The following DVL2 variants were observed in gnomAD, a reference collection of about 807,000 sequenced individuals.
The protein encoded by DVL2 is segment polarity protein dishevelled homolog DVL-2.
DVL2 carries 38 observed loss-of-function variants against 69.8 expected under a neutral mutation model. The observed-to-expected ratio is 0.54, with a 90% confidence interval of 0.42 to 0.71. The LOEUF is 0.71. Ranked by LOEUF, DVL2 falls within the 30% of genes least tolerant of loss-of-function variation. The pLI, the probability that DVL2 is intolerant of heterozygous loss-of-function variation, is 0.00. For synonymous variants in DVL2, 428 were observed against 392.4 expected (o/e 1.09, Z -1.07); for missense variants, 931 against 1,008.1 (o/e 0.92, Z 1.04).
rs2071523204 is a variant in DVL2, at chr17:7,230,293, T to A, written c.402A>T (p.Pro134=). ...GAATCTGAAGGACTCACTGGAAGGA[T>A]GGAGGCCTTGAGTCCCCAATGCCGC... is the stretch of plus-strand genomic sequence containing the variant. ...RTSGIGDSRP[P]SFHPNVSSSH... The change falls in exon 3 of 15, where the codon CCA becomes CCT. Residue 134 remains proline, a synonymous_variant. Coordinates refer to ENST00000005340, the MANE Select transcript of DVL2 (RefSeq NM_004422.3). The A allele has an allele frequency of 1.2e-6, 2 of 1,613,920 alleles. No homozygotes were observed. The highest frequency in any genetic ancestry group is 2.7e-5 in the African/African-American group (2 of 74,878).
At chr17:7,230,462 A>G in intron 2 of DVL2, 32 bp from the exon 3 acceptor site, 1 of 1,610,002 alleles carries the variant, frequency 6.2e-7, no homozygotes, top group Non-Finnish European at 8.5e-7. Context: ...ACAGTGGCTC[A>G]CTTGGGAGTC....
rs1465498109 is a variant in DVL2, at chr17:7,229,416, G to A, written c.779C>T (p.Thr260Ile). Reference protein sequence around the residue: ...TSSFSSVTDSTMSLNIITVTL... With the variant: ...TSSFSSVTDSIMSLNIITVTL... Reference sequence around the variant, plus strand: ...GACTGTGATGATATTGAGAGACATTGTGGAATCTGTGACGCTGCTGAAGGA... The same window carrying A: ...GACTGTGATGATATTGAGAGACATTATGGAATCTGTGACGCTGCTGAAGGA... The change falls in exon 7 of 15, where the codon ACA (threonine) becomes ATA (isoleucine). Residue 260 changes from threonine (T) to isoleucine (I), a missense_variant. Around this residue, in one of 3 missense-constraint regions of DVL2, gnomAD observed 555 missense variants for 588.8 expected, o/e 0.94. Transcript: ENST00000005340. This position sits in a 1 kb window ranked among gnomAD's most constrained non-coding sequence, Gnocchi z 4.4. 1 of 1,613,914 alleles carries A rather than the reference G, an allele frequency of 6.2e-7. No individual in the cohort carries two copies. Among genetic ancestry groups the A allele is most frequent in the Non-Finnish European group, 8.5e-7 (1 of 1,180,046 alleles).
intron 1 of DVL2, among the ~76,000 whole-genome samples, chr17:7,233,006 C>A (rs1274518287): frequency 6.8e-6 from 1 of 146,280 alleles, no homozygotes; most frequent in Admixed American, 7.0e-5. Flanking sequence ...AGGAGAATGG[C>A]GTGGACCCGG....
intron 13 of DVL2, 176 bp downstream of exon 13, chr17:7,226,895 GGCACATGGCTTGTCCAGCA>G (rs2071462813): frequency 1.5e-6 from 1 of 661,926 alleles, no homozygotes; most frequent in East Asian, 2.8e-5. Context: ...TCCTGCACCT[GGCACATGGCTTGTCCAGCA>G]GCACATGGGT....
intron 1 of DVL2, among the ~76,000 whole-genome samples, chr17:7,232,732 G>A (rs2071561379): frequency 6.6e-6 from 1 of 152,214 alleles, no homozygotes; most frequent in African/African-American, 2.4e-5. Context: ...TCTAGCTAGA[G>A]TCCAGTTTGT....
intron 1 of DVL2, 52 bp downstream of exon 1, chr17:7,234,017 C>G: frequency 6.3e-7 from 1 of 1,594,242 alleles, no homozygotes; most frequent in Non-Finnish European, 8.6e-7. Flanking sequence ...TCCATGTCGC[C>G]CAATCCACTC....
intron 1 of DVL2, among the ~76,000 whole-genome samples, chr17:7,233,104 A>AAAAAAAAAAAC (rs2071570365): frequency 6.6e-6 from 1 of 150,490 alleles, no homozygotes; most frequent in African/African-American, 2.4e-5. Flanking sequence ...AAAAAAAAAA[A>AAAAAAAAAAAC]AAAGCAGAGG....
intron 13 of DVL2, chr17:7,226,864 A>G: frequency 4.8e-6 from 3 of 629,622 alleles, no homozygotes; most frequent in Non-Finnish European, 8.1e-6. Context: ...TAAGAGGTGC[A>G]CCTTCCCCCG....
At chr17:7,232,689 G>A (rs567639483) in intron 1 of DVL2, among the ~76,000 whole-genome samples, 2 of 152,318 alleles carry the variant, frequency 1.3e-5, no homozygotes, top group South Asian at 4.1e-4. Context: ...TAACTCCCAA[G>A]ATAGTATCAG....
chr17:7,227,904 A>T, intron 10 of DVL2, 73 bp downstream of exon 10: 1 of 1,570,646 alleles, frequency 6.4e-7, no homozygotes, highest in Non-Finnish European at 8.7e-7. Context: ...ATTCCCCATG[A>T]CCACAGGCCC....
chr17:7,226,840 T>C (rs2071460784), intron 13 of DVL2: 1 of 625,082 alleles, frequency 1.6e-6, no homozygotes, highest in South Asian at 2.1e-5. Context: ...GCCCACGTCT[T>C]TGCGGGACTC....
rs1257293871 is a variant in DVL2 at position 7,225,623 on chromosome 17, T to A, written c.*242A>T. ...AAAAAGTCCCAAAAATGTAAGAAAC[T>A]CTATTTTAACCCCCAAAAAGGCTTA... is the stretch of plus-strand genomic sequence containing the variant. On this transcript the variant is annotated 3_prime_UTR_variant, in exon 15 of 15. Coordinates refer to ENST00000005340, the MANE Select transcript of DVL2 (RefSeq NM_004422.3). 24 of 548,186 alleles carry A rather than the reference T, an allele frequency of 4.4e-5. No homozygotes were observed. The highest frequency in any genetic ancestry group is 6.7e-5 in the Non-Finnish European group (21 of 311,446). The allele number at this position is 548,186 out of a possible 1,614,324, so 34.0% of individuals were successfully genotyped here.
chr17:7,227,090 A>G lies in DVL2; in HGVS notation c.1543T>C (p.Tyr515His), dbSNP rs762764604. Reference protein sequence around the residue: ...FGDLSGGCESYLVNLSLNDND... With the variant: ...FGDLSGGCESHLVNLSLNDND... ...CCAGAGTTGGGGCAGGGGGACTTAC[A>G]GCTCTCACAGCCACCACTGAGGTCT... Residue 515 changes from tyrosine to histidine, a missense_variant and splice_region_variant, in exon 13 of 15, where the codon TAC becomes CAC. Physicochemically the swap from Tyr to His is moderately conservative, Grantham distance 83. Coordinates refer to ENST00000005340, the MANE Select transcript of DVL2 (RefSeq NM_004422.3). 1.2e-6 allele frequency: 2 copies of G among 1,605,650 alleles called. No homozygotes were observed. Among genetic ancestry groups the G allele is most frequent in the South Asian group, 2.2e-5 (2 of 89,800 alleles).
rs769994075 is a variant in DVL2, at chr17:7,229,329, C to T, written c.817+49G>A. The T allele has an allele frequency of 1.1e-5, 18 of 1,613,480 alleles. No individual in the cohort carries two copies. The South Asian group carries it at 1.4e-4, about 13-fold the overall frequency. ...GCCCCTGCCACAGGACGCCCGGAACCCTAGAGACCAGGCCCTCCCCACGCC... is the reference window on the plus strand; with the variant it reads ...GCCCCTGCCACAGGACGCCCGGAACTCTAGAGACCAGGCCCTCCCCACGCC... On this transcript the variant is annotated intron_variant, in intron 7 of 14. Transcript: ENST00000005340. The surrounding 1 kb of genome is among the most constrained non-coding windows in gnomAD (Gnocchi z 4.4).
chr17:7,227,336 G>A, intron 12 of DVL2, 67 bp from the exon 13 acceptor site: 2 of 1,604,388 alleles, frequency 1.2e-6, no homozygotes, highest in Non-Finnish European at 1.7e-6. Flanking sequence ...GCCTCTGCCT[G>A]TGCCATTCCT....
intron 1 of DVL2, 21 bp from the exon 2 acceptor site, chr17:7,230,818 G>A: frequency 6.2e-7 from 1 of 1,601,166 alleles, no homozygotes; most frequent in Non-Finnish European, 8.5e-7. Flanking sequence ...ACAAGGTAGA[G>A]GTCAGTGAGC....
intron 13 of DVL2, 152 bp from the exon 14 acceptor site, chr17:7,226,791 C>T: frequency 1.5e-6 from 1 of 677,000 alleles, no homozygotes; most frequent in Non-Finnish European, 2.4e-6. Flanking sequence ...CAAGAAACTC[C>T]CATCTACTTC....
At chr17:7,226,835 C>A in intron 13 of DVL2, 196 bp from the exon 14 acceptor site, 1 of 628,424 alleles carries the variant, frequency 1.6e-6, no homozygotes, top group South Asian at 2.1e-5. Context: ...CACTAGCCCA[C>A]GTCTTTGCGG....
chr17:7,226,601 T>C lies in DVL2; in HGVS notation c.1582A>G (p.Ser528Gly), dbSNP rs2071454715. 6.3e-7 allele frequency: 1 copy of C among 1,591,426 alleles called. No individual in the cohort carries two copies. Among genetic ancestry groups the C allele is most frequent in the South Asian group, 1.1e-5 (1 of 88,450 alleles). Residue 528 changes from serine to glycine, a missense_variant, in exon 14 of 15, where the codon AGT becomes GGT. This residue lies in a region of DVL2 where 314 missense variants were observed against 313.7 expected (regional missense o/e 1.00). Transcript: ENST00000005340. ...AGGGTATCCTGGTCTGAAGCCCCACTGGAGCCATCGTTGTCATTGAGAGAC... is the reference window on the plus strand; with the variant it reads ...AGGGTATCCTGGTCTGAAGCCCCACCGGAGCCATCGTTGTCATTGAGAGAC... ...NLSLNDNDGSSGASDQDTLAP... is the reference protein window; with the variant it reads ...NLSLNDNDGSGGASDQDTLAP...
Sources: allele counts gnomAD v4.1 joint callset (sites outside exome capture counted in the v4.1 genomes callset), GRCh38; gene constraint gnomAD v4.1.1; regional missense constraint gnomAD v4.1.1; non-coding constraint Gnocchi (gnomAD v3.1); transcripts MANE v1.5; gene names NCBI Gene and HGNC (gene_info 2026-07-23, HGNC 2026-07-21).